ODAD4: variants seen among roughly 807,000 people sequenced by gnomAD.
The protein encoded by ODAD4 is outer dynein arm docking complex subunit 4, also known as outer dynein arm-docking complex subunit 4.
ODAD4 carries 49 observed loss-of-function variants against 51.8 expected under a neutral mutation model. That is an observed-to-expected ratio of 0.95 (90% confidence interval 0.75 to 1.20). ODAD4 has a LOEUF of 1.20. Ranked by LOEUF, ODAD4 falls within the 50% of genes most tolerant of loss-of-function variation. The pLI, the probability that ODAD4 is intolerant of heterozygous loss-of-function variation, is 0.00. For missense variants in ODAD4, 590 were observed against 586.5 expected, an observed-to-expected ratio of 1.01 and a Z score of -0.06; for synonymous variants, 235 against 221.3, an observed-to-expected ratio of 1.06 and a Z score of -0.55.
rs1347441930 is a variant in ODAD4, at chr17:41,933,124, C to T, written c.115-2093C>T. ...CCCACTTATTCTCCTCCTGCTGGAT[C>T]ATGTCCCATCCTGAAGTACCCACCA... On this transcript the variant is annotated intron_variant, in intron 1 of 11. Coordinates refer to ENST00000377540, the MANE Select transcript of ODAD4 (RefSeq NM_031421.5). Among the ~76,000 whole-genome samples, 3 of 152,094 alleles carry T rather than the reference C, an allele frequency of 2.0e-5. No individual in the cohort carries two copies. In the East Asian group the frequency reaches 5.8e-4, roughly 29 times the overall value.
chr17:41,947,008 G>A lies in ODAD4; in HGVS notation c.1145+1786G>A, dbSNP rs782658870. Among the ~76,000 whole-genome samples, 657 of 151,612 alleles carry A rather than the reference G, an allele frequency of 4.3e-3. 5 individuals are homozygous for A. The highest frequency in any genetic ancestry group is 0.015 in the African/African-American group (626 of 41,420). On this transcript the variant is annotated intron_variant, in intron 8 of 11. Coordinates refer to ENST00000377540, the MANE Select transcript of ODAD4 (RefSeq NM_031421.5). ...GGGGACTACAGGCGCCCGCCACCAC[G>A]CCTGGCTAATTTTGTATTTTTAGTA...
In ODAD4 at chr17:41,938,945, G is replaced by A. The variant is rs1349220852; in HGVS notation, c.851-20G>A. The stretch of plus-strand genomic sequence containing the variant: ...AGAGGAGGCTGCCCTGGCCTCCACA[G>A]CACCCCTTTCCTTTCTCAGTGCTCA... On this transcript the variant is annotated intron_variant, in intron 6 of 11. Transcript: ENST00000377540. 4 of 1,602,974 alleles carry A rather than the reference G, an allele frequency of 2.5e-6. No homozygotes were observed. Among genetic ancestry groups the A allele is most frequent in the Non-Finnish European group, 2.6e-6 (3 of 1,174,504 alleles).
At chr17:41,934,425 T>A (rs1440867827) in intron 1 of ODAD4, among the ~76,000 whole-genome samples, 1 of 31,924 alleles carries the variant, frequency 3.1e-5, no homozygotes, top group Admixed American at 4.8e-4. Flanking sequence ...GATCATGGCT[T>A]ATGCAGCCTC....
chr17:41,935,813 A>G, intron 3 of ODAD4, 64 bp downstream of exon 3: 2 of 1,589,510 alleles, frequency 1.3e-6, no homozygotes, highest in South Asian at 1.1e-5. Flanking sequence ...GGTTTAGAGG[A>G]AGGTTGAGTC....
chr17:41,962,174 G>A (rs2050813753), intron 11 of ODAD4, among the ~76,000 whole-genome samples: 1 of 152,156 alleles, frequency 6.6e-6, no homozygotes. Flanking sequence ...GGTGCTGTGG[G>A]GGGAAAGGGA....
intron 9 of ODAD4, among the ~76,000 whole-genome samples, chr17:41,954,282 C>T (rs753969055): frequency 2.8e-4 from 43 of 152,018 alleles, no homozygotes; most frequent in African/African-American, 7.0e-4. Context: ...CCACCACGCC[C>T]GGCCTGACAT....
intron 10 of ODAD4, among the ~76,000 whole-genome samples, chr17:41,959,772 G>T (rs1309386745): frequency 6.6e-6 from 1 of 152,238 alleles, no homozygotes; most frequent in African/African-American, 2.4e-5. Context: ...GGACAGCAGA[G>T]AAGTGATCTG....
intron 5 of ODAD4, among the ~76,000 whole-genome samples, chr17:41,937,721 C>T (rs1303910620): frequency 6.6e-6 from 1 of 152,096 alleles, no homozygotes; most frequent in Non-Finnish European, 1.5e-5. Context: ...ATCTGCCCAC[C>T]TCGGCCTCCC....
intron 5 of ODAD4, among the ~76,000 whole-genome samples, chr17:41,937,899 C>T (rs1266211623): frequency 6.6e-6 from 1 of 152,202 alleles, no homozygotes; most frequent in East Asian, 1.9e-4. Flanking sequence ...GCAGGGTCAC[C>T]TGTGAATCAA....
intron 7 of ODAD4, among the ~76,000 whole-genome samples, chr17:41,942,353 T>C (rs1346834802): frequency 6.6e-6 from 1 of 152,228 alleles, no homozygotes; most frequent in Non-Finnish European, 1.5e-5. Flanking sequence ...GATTAGCCAC[T>C]TACTAGTCTA....
At chr17:41,947,850 T>C (rs1448441670) in intron 8 of ODAD4, among the ~76,000 whole-genome samples, 1 of 151,724 alleles carries the variant, frequency 6.6e-6, no homozygotes, top group East Asian at 1.9e-4. Context: ...CTGGGTGCGG[T>C]GGCTCACGCC....
intron 7 of ODAD4, among the ~76,000 whole-genome samples, chr17:41,943,144 G>A (rs1181446262): frequency 6.6e-6 from 1 of 152,148 alleles, no homozygotes; most frequent in Non-Finnish European, 1.5e-5. Flanking sequence ...CACTTCCCAG[G>A]ATGATGTTGT....
At chr17:41,941,422 T>A (rs1346946829) in intron 7 of ODAD4, among the ~76,000 whole-genome samples, 2 of 152,180 alleles carry the variant, frequency 1.3e-5, no homozygotes, top group African/African-American at 4.8e-5. Flanking sequence ...AGCACTTGCT[T>A]TATCAAGCTG....
At chr17:41,939,924 G>A (rs898144415) in intron 7 of ODAD4, among the ~76,000 whole-genome samples, 6 of 152,150 alleles carry the variant, frequency 3.9e-5, no homozygotes, top group African/African-American at 1.4e-4. Flanking sequence ...TGTTAGCTGG[G>A]CACCCTGTAG....
In ODAD4 at chr17:41,935,252, G is replaced by C; in HGVS notation, c.150G>C (p.Leu50=). 6.2e-7 allele frequency: 1 copy of C among 1,613,984 alleles called. No homozygotes were observed. Among genetic ancestry groups the C allele is most frequent in the Non-Finnish European group, 8.5e-7 (1 of 1,179,882 alleles). The change falls in exon 2 of 12, where the codon CTG becomes CTC. Residue 50 remains leucine (L), a synonymous_variant. Transcript: ENST00000377540. ...TTCAGGATGGAGACAAGAACTGCCTGGTTGCTCGCTCAAAGTGCTTCCTGA... is the reference window on the plus strand; with the variant it reads ...TTCAGGATGGAGACAAGAACTGCCTCGTTGCTCGCTCAAAGTGCTTCCTGA... ...LYLQDGDKNC[L]VARSKCFLKM...
chr17:41,930,881 CTTTTTTTTTTTTTTT>C (rs782820445), intron 1 of ODAD4, 44 bp downstream of exon 1: 16 of 97,236 alleles, frequency 1.6e-4, no homozygotes, highest in Middle Eastern at 4.5e-3. Context: ...TCACCCGTCA[CTTTTTTTTTTTTTTT>C]TTTTTTTTTT....
intron 10 of ODAD4, 27 bp downstream of exon 10, chr17:41,955,344 G>A (rs578139064): frequency 3.3e-5 from 25 of 757,702 alleles, no homozygotes; most frequent in Admixed American, 7.2e-5. Flanking sequence ...GCCGGGCTTC[G>A]GGTGTCAGGA....
chr17:41,936,430 TGG>T, intron 3 of ODAD4, 41 bp from the exon 4 acceptor site: 2 of 1,449,362 alleles, frequency 1.4e-6, no homozygotes, highest in Non-Finnish European at 1.9e-6. Flanking sequence ...AAGTCATGCC[TGG>T]GGGGTCTGGC....
chr17:41,945,390 T>C, intron 8 of ODAD4, 168 bp downstream of exon 8: 2 of 603,838 alleles, frequency 3.3e-6, no homozygotes, highest in South Asian at 2.1e-5. Flanking sequence ...CCTGTGCCTG[T>C]GGTCCCAGCT....
Sources: gnomAD v4.1 joint callset for allele counts (sites outside exome capture counted in the v4.1 genomes callset) on GRCh38, gnomAD v4.1.1 for gene constraint, MANE v1.5 for transcripts, NCBI Gene and HGNC (gene_info 2026-07-23, HGNC 2026-07-21) for gene names.